The following CACHD1 variants were observed in gnomAD, a reference collection of about 807,000 sequenced individuals.
CACHD1 encodes the protein cache domain containing 1, also known as VWFA and cache domain-containing protein 1.
Under a neutral mutation model 138.7 loss-of-function variants are expected in CACHD1, and 71 were observed. That is an observed-to-expected ratio of 0.51 (90% CI 0.42 to 0.62). The LOEUF is 0.62. Ranked by LOEUF, CACHD1 falls within the 20% of genes least tolerant of loss-of-function variation. CACHD1 has a pLI of 0.00. For missense variants in CACHD1, 1,389 were observed against 1,625.3 expected, an observed-to-expected ratio of 0.85 and a Z score of 2.50; for synonymous variants, 578 against 591.5, an observed-to-expected ratio of 0.98 and a Z score of 0.33.
rs376269355 is a variant in CACHD1 at position 64,663,973 on chromosome 1, G to A, written c.2094+136G>A. 1.5e-5 allele frequency: 17 copies of A among 1,149,190 alleles called. No individual in the cohort carries two copies. The East Asian group carries it at 2.0e-4, about 14-fold the overall frequency. The allele number at this position is 1,149,190 out of a possible 1,614,324, so 71.2% of individuals were successfully genotyped here. ...CAGCTGGAGAGCTGCAGAGTGTGTGGCCCAGGGGAGGCTGGTCAGCAGTGA... is the reference window on the plus strand; with the variant it reads ...CAGCTGGAGAGCTGCAGAGTGTGTGACCCAGGGGAGGCTGGTCAGCAGTGA... On this transcript the variant is annotated intron_variant, in intron 14 of 26. Coordinates refer to ENST00000651257, the MANE Select transcript of CACHD1 (RefSeq NM_020925.4).
intron 13 of CACHD1, among the ~76,000 whole-genome samples, chr1:64,659,405 T>A (rs1356620948): frequency 6.6e-6 from 1 of 152,118 alleles, no homozygotes; most frequent in African/African-American, 2.4e-5. Context: ...TGGGGTAGAA[T>A]AACAGTAAAA....
chr1:64,501,979 T>C (rs1250180516), intron 1 of CACHD1, among the ~76,000 whole-genome samples: 4 of 152,220 alleles, frequency 2.6e-5, no homozygotes, highest in African/African-American at 9.7e-5. Flanking sequence ...CCCCTTCACT[T>C]TCTTCTCCAT....
chr1:64,483,014 T>C (rs1646220076), intron 1 of CACHD1, among the ~76,000 whole-genome samples: 2 of 152,218 alleles, frequency 1.3e-5, no homozygotes, highest in Admixed American at 6.5e-5. Context: ...TGTAACTTTT[T>C]AGTAGTTACT....
intron 1 of CACHD1, among the ~76,000 whole-genome samples, chr1:64,532,322 A>G (rs959293908): frequency 1.3e-5 from 2 of 152,210 alleles, no homozygotes; most frequent in African/African-American, 4.8e-5. Flanking sequence ...CACTGAGGAC[A>G]CTGGGAACAA....
At chr1:64,564,652 AT>A (rs1646867088) in intron 2 of CACHD1, among the ~76,000 whole-genome samples, 1 of 152,086 alleles carries the variant, frequency 6.6e-6, no homozygotes, top group Non-Finnish European at 1.5e-5. Flanking sequence ...TTGTTATTTA[AT>A]CCTCTTGGGT....
intron 1 of CACHD1, among the ~76,000 whole-genome samples, chr1:64,512,797 G>A (rs1418604039): frequency 1.3e-5 from 2 of 152,140 alleles, no homozygotes; most frequent in Non-Finnish European, 2.9e-5. Context: ...GTAGAACTTG[G>A]TTTTTCAGTA....
chr1:64,558,255 T>C (rs916736258), intron 2 of CACHD1, among the ~76,000 whole-genome samples: 3 of 152,250 alleles, frequency 2.0e-5, no homozygotes, highest in African/African-American at 7.2e-5. Flanking sequence ...TAAATCTTCC[T>C]AACTTGGGTC....
intron 7 of CACHD1, among the ~76,000 whole-genome samples, chr1:64,635,716 A>G (rs1468423553): frequency 6.6e-6 from 1 of 152,024 alleles, no homozygotes; most frequent in Non-Finnish European, 1.5e-5. Context: ...GAAAATCTGG[A>G]ATTAGGATGC....
intron 2 of CACHD1, among the ~76,000 whole-genome samples, chr1:64,578,097 C>T (rs977405245): frequency 6.6e-6 from 1 of 152,202 alleles, no homozygotes; most frequent in African/African-American, 2.4e-5. Context: ...AATTCTCAGC[C>T]TGTGTGATTT....
chr1:64,517,442 CAG>C (rs1318908899), intron 1 of CACHD1, among the ~76,000 whole-genome samples: 1 of 152,048 alleles, frequency 6.6e-6, no homozygotes, highest in Non-Finnish European at 1.5e-5. Flanking sequence ...GAGTGTGGGA[CAG>C]GGGAGAGTTG....
In CACHD1 at chr1:64,574,248, G is replaced by A. The variant is rs572756649; in HGVS notation, c.262-7908G>A. On this transcript the variant is annotated intron_variant, in intron 2 of 26. Transcript: ENST00000651257. ...GAGCTTGGGCAAACCACTGAGCCTC[G>A]ATTTCCTTGATTGTAAAACTGGGAC... Among the ~76,000 whole-genome samples the A allele has an allele frequency of 1.1e-4, 16 of 152,238 alleles. No individual in the cohort carries two copies. The East Asian group carries it at 3.1e-3, about 29-fold the overall frequency.
intron 3 of CACHD1, among the ~76,000 whole-genome samples, chr1:64,583,636 A>G (rs141152479): frequency 1.3e-3 from 191 of 152,348 alleles, no homozygotes; most frequent in African/African-American, 4.5e-3. Context: ...CACCACTAAT[A>G]AAGACATACT....
rs191210513 is a variant in CACHD1, at chr1:64,540,229, C to T, written c.199-10365C>T. Among the ~76,000 whole-genome samples the T allele has an allele frequency of 9.2e-5, 14 of 152,234 alleles. No individual in the cohort carries two copies. The East Asian group carries it at 2.7e-3, about 29-fold the overall frequency. Reference sequence around the variant, plus strand: ...ATTGAAGGCTTATATAAAGCACCACCCTCCAAGAATACATGTATGGCCGCT... The same window carrying T: ...ATTGAAGGCTTATATAAAGCACCACTCTCCAAGAATACATGTATGGCCGCT... On this transcript the variant is annotated intron_variant, in intron 1 of 26. Transcript: ENST00000651257.
At chr1:64,552,471 GT>G (rs34499860) in intron 2 of CACHD1, among the ~76,000 whole-genome samples, 91,759 of 122,788 alleles carry the variant, frequency 0.75, 34,619 homozygotes, top group Non-Finnish European at 0.85. Flanking sequence ...ATTTTGTTTT[GT>G]TTTTTTTTTT....
chr1:64,649,070 A>G (rs564462901), intron 9 of CACHD1, among the ~76,000 whole-genome samples: 133 of 152,240 alleles, frequency 8.7e-4, no homozygotes, highest in African/African-American at 3.1e-3. Context: ...TTAGCTAGGA[A>G]CTCTTACAAA....
intron 1 of CACHD1, among the ~76,000 whole-genome samples, chr1:64,490,325 T>C (rs1646268007): frequency 6.6e-6 from 1 of 152,180 alleles, no homozygotes; most frequent in African/African-American, 2.4e-5. Flanking sequence ...GATCCAAGCC[T>C]AGGATTTGTT....
Position 64,582,285 on chromosome 1 carries a change from A to G in CACHD1, c.391A>G (p.Ile131Val), listed in dbSNP as rs1169406558. ...PLTAIQDCCT[I>V]PPSMMEFDGN... Reference sequence around the variant, plus strand: ...AACTGCAATTCAAGACTGCTGTACTATCCCACCTTCCATGATGGAGTAAGA... The same window carrying G: ...AACTGCAATTCAAGACTGCTGTACTGTCCCACCTTCCATGATGGAGTAAGA... Residue 131 changes from isoleucine to valine, a missense_variant, in exon 3 of 27, where the codon ATC becomes GTC. Physicochemically the swap from Ile to Val is conservative, Grantham distance 29. Coordinates refer to ENST00000651257, the MANE Select transcript of CACHD1 (RefSeq NM_020925.4). 1.2e-6 allele frequency: 2 copies of G among 1,613,626 alleles called. No individual in the cohort carries two copies. The highest frequency in any genetic ancestry group is 1.3e-5 in the African/African-American group (1 of 75,044).
intron 3 of CACHD1, among the ~76,000 whole-genome samples, chr1:64,595,820 T>C (rs915484382): frequency 5.3e-5 from 8 of 152,240 alleles, no homozygotes; most frequent in African/African-American, 1.7e-4. Context: ...AAAAGAAATA[T>C]GGTTGGTCTG....
intron 21 of CACHD1, 72 bp downstream of exon 21, chr1:64,676,055 T>A (rs1649981982): frequency 1.7e-6 from 1 of 574,378 alleles, no homozygotes. Context: ...TGTAATACTG[T>A]GAGTCTCTTA....
Sources: gnomAD v4.1 joint callset for allele counts (sites outside exome capture counted in the v4.1 genomes callset) on GRCh38, gnomAD v4.1.1 for gene constraint, MANE v1.5 for transcripts, NCBI Gene and HGNC (gene_info 2026-07-23, HGNC 2026-07-21) for gene names.